Variants in PIK3AP1 observed in about 807,000 individuals in gnomAD.
PIK3AP1 encodes the protein phosphoinositide 3-kinase adapter protein 1.
Under a neutral mutation model 88.1 loss-of-function variants are expected in PIK3AP1, and 21 were observed. The observed-to-expected ratio is 0.24, with a 90% confidence interval of 0.17 to 0.34. The LOEUF is 0.34. Among genes scored for constraint, PIK3AP1 ranks in the 10% least tolerant of loss-of-function variants. PIK3AP1 has a pLI of 1.00. For missense variants in PIK3AP1, 828 were observed against 1,035.7 expected (o/e 0.80, Z 2.75); for synonymous variants, 398 against 400.0 (o/e 1.00, Z 0.06).
chr10:96,720,264 G>A lies in PIK3AP1; in HGVS notation c.13+118C>T. The A allele has an allele frequency of 9.7e-7, 1 of 1,029,596 alleles. No individual in the cohort carries two copies. The highest frequency in any genetic ancestry group is 1.7e-5 in the African/African-American group (1 of 60,186). 63.8% of individuals were successfully genotyped at this position (1,029,596 alleles called of 1,614,324 possible). On this transcript the variant is annotated intron_variant, in intron 1 of 16. Coordinates refer to ENST00000339364, the MANE Select transcript of PIK3AP1 (RefSeq NM_152309.3). This position sits in a 1 kb window ranked among gnomAD's most constrained non-coding sequence, Gnocchi z 4.6. ...GGGAACATAGAAAAGAGCAGAAAGA[G>A]GGCAAGATCCCCGCACAGAGGACGC...
At chr10:96,661,915 A>T (rs1480619310) in intron 2 of PIK3AP1, among the ~76,000 whole-genome samples, 1 of 152,242 alleles carries the variant, frequency 6.6e-6, no homozygotes, top group East Asian at 1.9e-4. Context: ...CCTAATTCTT[A>T]TAACTCCAAA....
intron 2 of PIK3AP1, among the ~76,000 whole-genome samples, chr10:96,708,574 C>CAAAAAAAAAAAAA (rs924470384): frequency 2.3e-4 from 3 of 12,828 alleles, no homozygotes; most frequent in Non-Finnish European, 5.7e-4. Flanking sequence ...GGATCTGTCT[C>CAAAAAAAAAAAAA]AAAAAAAAAA....
chr10:96,694,105 G>C (rs1383626568), intron 2 of PIK3AP1, among the ~76,000 whole-genome samples: 1 of 152,132 alleles, frequency 6.6e-6, no homozygotes, highest in African/African-American at 2.4e-5. Context: ...ACCTATCAAA[G>C]AGGCCCCCAT....
chr10:96,617,967 G>A (rs1183305757), intron 12 of PIK3AP1, among the ~76,000 whole-genome samples: 3 of 152,148 alleles, frequency 2.0e-5, no homozygotes, highest in Non-Finnish European at 2.9e-5. Flanking sequence ...ATTGTGAGAG[G>A]GTGACGTGAA....
In PIK3AP1 at chr10:96,692,734, C is replaced by T. The variant is rs1168103065; in HGVS notation, c.430+16833G>A. 2.6e-5 allele frequency among the ~76,000 whole-genome samples: 4 copies of T among 152,144 alleles called. No homozygotes were observed. In the East Asian group the frequency reaches 7.7e-4, roughly 29 times the overall value. On this transcript the variant is annotated intron_variant, in intron 2 of 16. Transcript: ENST00000339364. ...ATTAGCCTATAAAAGGGGTATAGCT[C>T]AGTGGCAGAGCATTTGACTGCAGAA...
intron 1 of PIK3AP1, among the ~76,000 whole-genome samples, chr10:96,710,531 T>C (rs1844425179): frequency 6.6e-6 from 1 of 152,190 alleles, no homozygotes; most frequent in African/African-American, 2.4e-5. Context: ...CCCATACTGT[T>C]TTAGATCCTT....
Position 96,604,377 on chromosome 10 carries a change from T to G in PIK3AP1, c.2171-328A>C, listed in dbSNP as rs1848965311. 4.9e-5 allele frequency among the ~76,000 whole-genome samples: 3 copies of G among 61,640 alleles called. No homozygotes were observed. The East Asian group carries it at 1.8e-3, about 37-fold the overall frequency. 40.4% of individuals were successfully genotyped at this position (61,640 alleles called of 152,430 possible). A position where few individuals can be genotyped will look rare whatever the true frequency, so the allele number is the denominator to read the frequency against. ...TTTTTTTTTTTTTTTTTTTTTTTTT[T>G]TGTAGCAACAGGATCTCACTCTGTT... is the stretch of plus-strand genomic sequence containing the variant. On this transcript the variant is annotated intron_variant, in intron 14 of 16. Coordinates refer to ENST00000339364, the MANE Select transcript of PIK3AP1 (RefSeq NM_152309.3).
intron 8 of PIK3AP1, among the ~76,000 whole-genome samples, chr10:96,630,506 T>C (rs549035289): frequency 6.6e-6 from 1 of 152,264 alleles, no homozygotes; most frequent in South Asian, 2.1e-4. Context: ...TTAATTTGCT[T>C]AATTGTGTTT....
Position 96,648,688 on chromosome 10 carries a change from C to T in PIK3AP1, c.1156G>A (p.Asp386Asn), listed in dbSNP as rs781013745. Residue 386 changes from aspartate to asparagine, a missense_variant, in exon 7 of 17, where the codon GAC becomes AAC. Transcript: ENST00000339364. ...TACTCGTCGATGAACTGCCGCAGGT[C>T]CCTGAAGCCGTGTTTCTCAGCGATG... is the stretch of plus-strand genomic sequence containing the variant. ...NTIAEKHGFR[D>N]LRQFIDEYVE... 1 of 1,609,484 alleles carries T rather than the reference C, an allele frequency of 6.2e-7. No individual in the cohort carries two copies. The highest frequency in any genetic ancestry group is 8.5e-7 in the Non-Finnish European group (1 of 1,178,164).
chr10:96,654,332 T>C (rs1043871001), intron 3 of PIK3AP1, among the ~76,000 whole-genome samples: 3 of 152,064 alleles, frequency 2.0e-5, no homozygotes, highest in African/African-American at 2.4e-5. Flanking sequence ...AAGGAGAGAT[T>C]CCTGGCCATA....
At chr10:96,667,759 A>G (rs1263985691) in intron 2 of PIK3AP1, among the ~76,000 whole-genome samples, 1 of 150,800 alleles carries the variant, frequency 6.6e-6, no homozygotes, top group Non-Finnish European at 1.5e-5. Context: ...TTAAGAAAGC[A>G]GTCCCCTTTC....
intron 2 of PIK3AP1, among the ~76,000 whole-genome samples, chr10:96,705,729 C>T (rs556791768): frequency 4.6e-5 from 7 of 151,726 alleles, no homozygotes; most frequent in Middle Eastern, 3.4e-3. Context: ...ACAACAGGTA[C>T]ACACCACCAT....
intron 13 of PIK3AP1, 133 bp from the exon 14 acceptor site, chr10:96,610,000 A>T: frequency 8.9e-7 from 1 of 1,118,668 alleles, no homozygotes; most frequent in Non-Finnish European, 1.3e-6. Context: ...GGAAAAGACG[A>T]TGGGAGAGGG....
At chr10:96,626,399 GT>G (rs1236046112) in intron 10 of PIK3AP1, among the ~76,000 whole-genome samples, 6 of 152,348 alleles carry the variant, frequency 3.9e-5, no homozygotes, top group South Asian at 2.1e-4. Flanking sequence ...TTCAATAAAT[GT>G]TAGCAATTCA....
At chr10:96,609,468 T>G (rs902907620) in intron 14 of PIK3AP1, among the ~76,000 whole-genome samples, 3 of 152,234 alleles carry the variant, frequency 2.0e-5, no homozygotes, top group African/African-American at 7.2e-5. Flanking sequence ...TGTTACCTAT[T>G]AGTATTAGGT....
intron 1 of PIK3AP1, among the ~76,000 whole-genome samples, chr10:96,714,891 C>T (rs112864301): frequency 0.015 from 2,207 of 152,194 alleles, 34 homozygotes; most frequent in African/African-American, 0.039. Flanking sequence ...AGACAAATCT[C>T]CCATGCATAA....
At chr10:96,674,325 C>G (rs1843887794) in intron 2 of PIK3AP1, among the ~76,000 whole-genome samples, 1 of 152,220 alleles carries the variant, frequency 6.6e-6, no homozygotes, top group Admixed American at 6.5e-5. Context: ...CAAGTCCCAT[C>G]TCTGCCACTT....
chr10:96,637,510 G>A (rs1843328739), intron 8 of PIK3AP1, among the ~76,000 whole-genome samples: 1 of 151,868 alleles, frequency 6.6e-6, no homozygotes, highest in African/African-American at 2.4e-5. Context: ...CACCATGCCT[G>A]GCTAATTTAA....
intron 2 of PIK3AP1, among the ~76,000 whole-genome samples, chr10:96,698,304 G>C (rs1300357643): frequency 1.3e-5 from 2 of 152,138 alleles, no homozygotes; most frequent in African/African-American, 2.4e-5. Context: ...GAACAAAGAA[G>C]GGGGGAGTGG....
Sources: allele counts gnomAD v4.1 joint callset (sites outside exome capture counted in the v4.1 genomes callset), GRCh38; gene constraint gnomAD v4.1.1; non-coding constraint Gnocchi (gnomAD v3.1); transcripts MANE v1.5; gene names NCBI Gene and HGNC (gene_info 2026-07-23, HGNC 2026-07-21).